The following CEP76 variants were observed in gnomAD, a reference collection of about 807,000 sequenced individuals.
CEP76 encodes the protein centrosomal protein 76, also known as centrosomal protein of 76 kDa.
Under a neutral mutation model 83.3 loss-of-function variants are expected in CEP76, and 55 were observed. The ratio of observed to expected loss-of-function variants is 0.66; its 90% CI spans 0.53 to 0.83. CEP76 has a LOEUF of 0.83. Among genes scored for constraint, CEP76 ranks in the 40% least tolerant of loss-of-function variants. The pLI, the probability that CEP76 is intolerant of heterozygous loss-of-function variation, is 0.00. For synonymous variants in CEP76, 270 were observed against 274.5 expected (o/e 0.98, Z 0.16); for missense variants, 694 against 799.5 (o/e 0.87, Z 1.59).
intron 12 of CEP76, among the ~76,000 whole-genome samples, chr18:12,664,504 C>T (rs1333625523): frequency 6.6e-6 from 1 of 151,820 alleles, no homozygotes; most frequent in Non-Finnish European, 1.5e-5. Flanking sequence ...GAGCCAAGAT[C>T]ACGCCATTGC....
At chr18:12,661,957 ATT>A (rs1445463422) in exon 13 of CEP76, 8 of 258,492 alleles carry the variant, frequency 3.1e-5, no homozygotes, top group Admixed American at 1.5e-4. Context: ...TCTGAATATG[ATT>A]TTGTTTTGTT....
exon 13 of CEP76, chr18:12,662,021 T>A (rs189901549): frequency 6.6e-5 from 18 of 273,356 alleles, no homozygotes; most frequent in Non-Finnish European, 1.2e-4. Flanking sequence ...TATATTTACT[T>A]CTTATTCTTG....
At chr18:12,667,867 TTTA>T (rs1458684318), downstream of CEP76, among the ~76,000 whole-genome samples, 1 of 144,506 alleles carries the variant, frequency 6.9e-6, no homozygotes, top group Non-Finnish European at 1.6e-5. Flanking sequence ...TTTTTTTTTT[TTTA>T]AATAGAACAA....
downstream of CEP76, chr18:12,670,549 T>C (rs1323811102): frequency 1.3e-5 from 2 of 152,230 alleles, no homozygotes; most frequent in Admixed American, 1.3e-4. Flanking sequence ...GATCTTAATA[T>C]AGTCTGTCTC....
At chr18:12,681,168 A>G (rs567594306) in intron 8 of CEP76, among the ~76,000 whole-genome samples, 4 of 151,144 alleles carry the variant, frequency 2.6e-5, no homozygotes, top group Admixed American at 2.6e-4. Flanking sequence ...ACTGCATTCC[A>G]GCCTCAGCAA....
exon 13 of CEP76, chr18:12,662,088 G>A (rs1048469551): frequency 7.1e-6 from 3 of 420,138 alleles, no homozygotes; most frequent in Non-Finnish European, 4.7e-6. Flanking sequence ...GCTGCTCTGA[G>A]TCTTTCAGGG....
At chr18:12,702,014 C>T (rs2145121792) in intron 1 of CEP76, among the ~76,000 whole-genome samples, 1 of 152,272 alleles carries the variant, frequency 6.6e-6, no homozygotes, top group Non-Finnish European at 1.5e-5. Flanking sequence ...GTAATCCCAG[C>T]TACTCGGGAG....
chr18:12,697,934 G>C (rs1467901130), intron 4 of CEP76, among the ~76,000 whole-genome samples: 2 of 151,998 alleles, frequency 1.3e-5, no homozygotes, highest in African/African-American at 4.8e-5. Context: ...AAATTGTGAA[G>C]ACATTCTGAA....
intron 6 of CEP76, among the ~76,000 whole-genome samples, chr18:12,692,829 A>C (rs1435447350): frequency 1.3e-5 from 2 of 152,022 alleles, no homozygotes; most frequent in Non-Finnish European, 2.9e-5. Flanking sequence ...TTCTGACTTT[A>C]ATTTCTTTTA....
rs556387920 is a variant in CEP76 at position 12,702,583 on chromosome 18, G to C, written c.-35C>G. 5.2e-5 allele frequency: 83 copies of C among 1,588,160 alleles called. No individual in the cohort carries two copies. The African/African-American group carries it at 8.1e-4, about 15-fold the overall frequency. On this transcript the variant is annotated 5_prime_UTR_variant, in exon 1 of 12. Transcript: ENST00000262127. ...CGGCGTCTCCCCGCCGCTTCTCCCC[G>C]CCTCAGATGCCCTAACTGCGCGGCC...
At chr18:12,663,026 G>A (rs2038729330) in intron 12 of CEP76, among the ~76,000 whole-genome samples, 1 of 152,134 alleles carries the variant, frequency 6.6e-6, no homozygotes, top group East Asian at 1.9e-4. Flanking sequence ...ACTTGGAAAA[G>A]ACCTCATAAA....
chr18:12,694,275 C>A (rs1250828677), intron 6 of CEP76, among the ~76,000 whole-genome samples: 1 of 152,122 alleles, frequency 6.6e-6, no homozygotes, highest in Non-Finnish European at 1.5e-5. Context: ...GAGGGAGAAG[C>A]ACTAGCGTCT....
chr18:12,699,635 T>C (rs1384017486), intron 3 of CEP76, among the ~76,000 whole-genome samples, 195 bp downstream of exon 3: 1 of 152,184 alleles, frequency 6.6e-6, no homozygotes, highest in Non-Finnish European at 1.5e-5. Flanking sequence ...GTGATGCTGT[T>C]TTTGCTTCTA....
intron 4 of CEP76, among the ~76,000 whole-genome samples, chr18:12,697,756 C>T (rs935149265): frequency 6.6e-6 from 1 of 152,164 alleles, no homozygotes; most frequent in Non-Finnish European, 1.5e-5. Context: ...CAAACTACCT[C>T]AAGAAATCCC....
chr18:12,689,801 T>C (rs996027138), intron 7 of CEP76, among the ~76,000 whole-genome samples: 1 of 152,130 alleles, frequency 6.6e-6, no homozygotes, highest in African/African-American at 2.4e-5. Context: ...GTCGTTGTTA[T>C]TGTTTTGAGA....
rs926180122 is a variant in CEP76 at position 12,676,067 on chromosome 18, A to C, written c.1624-1314T>G. Among the ~76,000 whole-genome samples, 25 of 152,230 alleles carry C rather than the reference A, an allele frequency of 1.6e-4. No homozygotes were observed. The South Asian group carries it at 1.7e-3, about 10-fold the overall frequency. ...ATACAAAAAATTCTCAAAATTCTAG[A>C]TATTTTGATTATCATAATGGATCTT... On this transcript the variant is annotated intron_variant, in intron 10 of 11. Coordinates refer to ENST00000262127, the MANE Select transcript of CEP76 (RefSeq NM_024899.4).
intron 5 of CEP76, among the ~76,000 whole-genome samples, chr18:12,696,777 G>A (rs371609611): frequency 6.5e-4 from 99 of 152,058 alleles, no homozygotes; most frequent in African/African-American, 2.0e-3. Context: ...TTCCTCTTCC[G>A]AGTCTCACTC....
chr18:12,680,224 A>G (rs1027410760), intron 9 of CEP76, among the ~76,000 whole-genome samples: 3 of 152,176 alleles, frequency 2.0e-5, no homozygotes, highest in African/African-American at 7.2e-5. Flanking sequence ...ATAATCACTG[A>G]AAAGGCTCTA....
chr18:12,666,523 C>T (rs2038807261), intron 12 of CEP76, among the ~76,000 whole-genome samples: 1 of 149,314 alleles, frequency 6.7e-6, no homozygotes, highest in African/African-American at 2.5e-5. Context: ...ACTGAAGCCT[C>T]CTAACGTCCC....
Sources: gnomAD v4.1 joint callset for allele counts (sites outside exome capture counted in the v4.1 genomes callset) on GRCh38, gnomAD v4.1.1 for gene constraint, MANE v1.5 for transcripts, NCBI Gene and HGNC (gene_info 2026-07-23, HGNC 2026-07-21) for gene names.